The following KIAA0513 variants were observed in gnomAD, a reference collection of about 807,000 sequenced individuals.
KIAA0513 encodes KIAA0513, also known as uncharacterized protein KIAA0513.
In KIAA0513, 39 loss-of-function variants were observed where a neutral mutation model predicts 56.5. The ratio of observed to expected loss-of-function variants is 0.69; its 90% CI spans 0.53 to 0.90. The LOEUF is 0.90. Among genes scored for constraint, KIAA0513 ranks in the 40% least tolerant of loss-of-function variants. The pLI, the probability that KIAA0513 is intolerant of heterozygous loss-of-function variation, is 0.00. For synonymous variants in KIAA0513, 268 were observed against 215.6 expected (o/e 1.24, Z -2.13); for missense variants, 591 against 535.2 (o/e 1.10, Z -1.03).
In KIAA0513 at chr16:85,036,617, G is replaced by A. The variant is rs143657725; in HGVS notation, c.-173+8759G>A. 2.2e-3 allele frequency among the ~76,000 whole-genome samples: 340 copies of A among 152,264 alleles called. 2 individuals carry two copies. Among genetic ancestry groups the A allele is most frequent in the African/African-American group, 7.9e-3 (327 of 41,540 alleles). Reference sequence around the variant, plus strand: ...CAGATGGAGCCTTTGATTGTGGGGTGGACGAGCAGGCAGTAGCCCTACTGG... The same window carrying A: ...CAGATGGAGCCTTTGATTGTGGGGTAGACGAGCAGGCAGTAGCCCTACTGG... On this transcript the variant is annotated intron_variant, in intron 1 of 12. Coordinates refer to ENST00000683363, the MANE Select transcript of KIAA0513 (RefSeq NM_001388359.1).
At chr16:85,049,067 C>T (rs1331599392) in intron 1 of KIAA0513, among the ~76,000 whole-genome samples, 1 of 152,260 alleles carries the variant, frequency 6.6e-6, no homozygotes, top group East Asian at 1.9e-4. Context: ...GGTTGCTTTG[C>T]ACGGTGGCCA....
At chr16:85,041,075 C>T (rs1221349333) in intron 1 of KIAA0513, among the ~76,000 whole-genome samples, 1 of 152,138 alleles carries the variant, frequency 6.6e-6, no homozygotes, top group Admixed American at 6.6e-5. Context: ...AAGAATTCAG[C>T]TCCTGTTTTA....
chr16:85,037,960 C>T (rs1278719086), intron 1 of KIAA0513, among the ~76,000 whole-genome samples: 1 of 152,194 alleles, frequency 6.6e-6, no homozygotes, highest in Non-Finnish European at 1.5e-5. Context: ...GTCCACTCTC[C>T]ACACAGTGGC....
At chr16:85,057,989 T>C (rs1391880455) in intron 1 of KIAA0513, among the ~76,000 whole-genome samples, 1 of 152,128 alleles carries the variant, frequency 6.6e-6, no homozygotes, top group Non-Finnish European at 1.5e-5. Context: ...CCCCTACATA[T>C]GGCTAAGATG....
intron 1 of KIAA0513, among the ~76,000 whole-genome samples, chr16:85,053,721 G>T (rs545974507): frequency 6.6e-6 from 1 of 152,032 alleles, no homozygotes; most frequent in South Asian, 2.1e-4. Context: ...GGCCAGGCGC[G>T]GTGGCTCACG....
At chr16:85,083,119 G>T (rs2073767274) in intron 10 of KIAA0513, among the ~76,000 whole-genome samples, 1 of 152,222 alleles carries the variant, frequency 6.6e-6, no homozygotes. Flanking sequence ...CAGTTTGAGG[G>T]AGGCACGGAA....
chr16:85,044,012 A>G (rs998548007), intron 1 of KIAA0513, among the ~76,000 whole-genome samples: 3 of 152,178 alleles, frequency 2.0e-5, no homozygotes, highest in Admixed American at 6.5e-5. Flanking sequence ...CCTGGGCAAC[A>G]AGAGCAAAAC....
In KIAA0513 at chr16:85,062,192, T is replaced by C. The variant is rs534680587; in HGVS notation, c.-172-4708T>C. The stretch of plus-strand genomic sequence containing the variant: ...TATTAACTCTATCTTCCCCTCTCCC[T>C]GCCCCTGGTACGTACGTAAACACAC... On this transcript the variant is annotated intron_variant, in intron 1 of 12. Transcript: ENST00000683363. Among the ~76,000 whole-genome samples the C allele has an allele frequency of 1.6e-4, 23 of 148,298 alleles. 1 individual carries two copies. The highest frequency in any genetic ancestry group is 1.4e-3 in the East Asian group (7 of 5,052).
chr16:85,086,789 C>G, intron 11 of KIAA0513, 65 bp downstream of exon 11: 1 of 1,380,544 alleles, frequency 7.2e-7, no homozygotes, highest in Non-Finnish European at 1.0e-6. Context: ...AGCTGTCACA[C>G]CTGGTATCAC....
chr16:85,032,970 G>T (rs1281660968), intron 1 of KIAA0513, among the ~76,000 whole-genome samples: 1 of 151,982 alleles, frequency 6.6e-6, no homozygotes, highest in Non-Finnish European at 1.5e-5. Context: ...AGATTCCCTG[G>T]GTTAGGACCT....
In KIAA0513 at chr16:85,088,404, C is replaced by A. The variant is rs1008100643; in HGVS notation, c.*79C>A. The A allele has an allele frequency of 2.3e-6, 3 of 1,276,740 alleles. No homozygotes were observed. Among genetic ancestry groups the A allele is most frequent in the Non-Finnish European group, 3.4e-6 (3 of 890,546 alleles). 79.1% of individuals were successfully genotyped at this position (1,276,740 alleles called of 1,614,324 possible). ...GCCCAGCGCCCGGCCGTCACCCCAC[C>A]CGATGACCTGCATGAAGCCAGCAGC... On this transcript the variant is annotated 3_prime_UTR_variant, in exon 13 of 13. Transcript: ENST00000683363.
chr16:85,078,292 G>C (rs1200194191), intron 6 of KIAA0513, 123 bp from the exon 7 acceptor site: 2 of 963,782 alleles, frequency 2.1e-6, no homozygotes, highest in African/African-American at 3.4e-5. Flanking sequence ...TTCATAAAAG[G>C]CTTTTCAGAG....
intron 1 of KIAA0513, chr16:85,063,066 G>A (rs1439442236): frequency 6.6e-6 from 1 of 152,270 alleles, no homozygotes; most frequent in African/African-American, 2.4e-5. Flanking sequence ...TCGGCGTGCA[G>A]GACCAGCCCT....
intron 2 of KIAA0513, among the ~76,000 whole-genome samples, chr16:85,070,705 A>G (rs757754165): frequency 1.3e-5 from 2 of 152,228 alleles, no homozygotes; most frequent in Non-Finnish European, 2.9e-5. Context: ...ATAAAAATGC[A>G]TTTATGTTTA....
Position 85,094,112 on chromosome 16 carries a change from G to A in KIAA0513, c.*5787G>A, listed in dbSNP as rs1178639698. 1 of 152,138 alleles carries A rather than the reference G, an allele frequency of 6.6e-6. No individual in the cohort carries two copies. Among genetic ancestry groups the A allele is most frequent in the East Asian group, 1.9e-4 (1 of 5,192 alleles). The allele number at this position is 152,138 out of a possible 1,614,324, so 9.4% of individuals were successfully genotyped here. Reference sequence around the variant, plus strand: ...TTAAGGTTGAGAAAGTTTCAAGGGTGAAGATCTCAAAACAGTGCTAAAATC... The same window carrying A: ...TTAAGGTTGAGAAAGTTTCAAGGGTAAAGATCTCAAAACAGTGCTAAAATC... On this transcript the variant is annotated 3_prime_UTR_variant, in exon 13 of 13. Transcript: ENST00000683363.
At chr16:85,074,481 C>G (rs549897136) in intron 4 of KIAA0513, among the ~76,000 whole-genome samples, 1 of 152,290 alleles carries the variant, frequency 6.6e-6, no homozygotes, top group East Asian at 1.9e-4. Flanking sequence ...CCACACCCAG[C>G]CTGCTCTCTT....
At chr16:85,069,369 C>CTG (rs2073538209) in intron 2 of KIAA0513, among the ~76,000 whole-genome samples, 1 of 152,252 alleles carries the variant, frequency 6.6e-6, no homozygotes, top group Admixed American at 6.5e-5. Flanking sequence ...CGCCACTATA[C>CTG]TGGCCAGCAG....
intron 1 of KIAA0513, among the ~76,000 whole-genome samples, chr16:85,064,974 C>G (rs944339105): frequency 7.2e-5 from 11 of 152,168 alleles, no homozygotes; most frequent in Non-Finnish European, 1.5e-4. Flanking sequence ...CGTGAGCCAC[C>G]GCGCCCGGCC....
At chr16:85,082,656 G>A (rs974724301) in intron 10 of KIAA0513, 63 bp downstream of exon 10, 5 of 1,536,180 alleles carry the variant, frequency 3.3e-6, no homozygotes, top group East Asian at 2.2e-5. Context: ...GGCCACTGCA[G>A]GGTGGGGGCT....
Sources: gnomAD v4.1 joint callset for allele counts (sites outside exome capture counted in the v4.1 genomes callset) on GRCh38, gnomAD v4.1.1 for gene constraint, MANE v1.5 for transcripts, NCBI Gene and HGNC (gene_info 2026-07-23, HGNC 2026-07-21) for gene names.